Variants in PTPN3 observed in about 807,000 individuals in gnomAD.
PTPN3 encodes tyrosine-protein phosphatase non-receptor type 3.
In PTPN3, 96 loss-of-function variants were observed where a neutral mutation model predicts 132.7. That is an observed-to-expected ratio of 0.72 (90% confidence interval 0.61 to 0.86). PTPN3 has a LOEUF of 0.86. Among genes scored for constraint, PTPN3 ranks in the 40% least tolerant of loss-of-function variants. The pLI, the probability that PTPN3 is intolerant of heterozygous loss-of-function variation, is 0.00. For synonymous variants in PTPN3, 398 were observed against 429.0 expected (o/e 0.93, Z 0.89); for missense variants, 1,125 against 1,159.6 (o/e 0.97, Z 0.43).
chr9:109,449,909 A>G (rs1845136256), intron 5 of PTPN3: 2 of 985,340 alleles, frequency 2.0e-6, no homozygotes, highest in African/African-American at 3.5e-5. Context: ...CTATTTGCAC[A>G]GTTCCGGGCT....
the PTPN3 span, chr9:109,511,412 C>T: frequency 6.5e-6 from 1 of 153,126 alleles, no homozygotes; most frequent in Non-Finnish European, 1.5e-5. Flanking sequence ...GGTGTCTACA[C>T]TCCTGTGAAT....
chr9:109,445,578 G>A lies in PTPN3; in HGVS notation c.414-286C>T, dbSNP rs192145625. On this transcript the variant is annotated intron_variant, in intron 6 of 25. Transcript: ENST00000374541. ...GCCAGTGTTTTGGCTGCTCAAGAAG[G>A]GTCAGGCTCTTATCTCTAAGAGGGG... 7.2e-5 allele frequency among the ~76,000 whole-genome samples: 11 copies of A among 152,114 alleles called. No homozygotes were observed. In the East Asian group the frequency reaches 1.6e-3, roughly 22 times the overall value.
chr9:109,525,462 G>T, the PTPN3 span, among the ~76,000 whole-genome samples: 5 of 152,176 alleles, frequency 3.3e-5, no homozygotes, highest in Admixed American at 1.3e-4. Flanking sequence ...GGATCATCTT[G>T]AGGAGCTTTT....
the PTPN3 span, among the ~76,000 whole-genome samples, chr9:109,518,452 C>A: frequency 2.0e-4 from 30 of 152,296 alleles, no homozygotes; most frequent in South Asian, 6.2e-3. Context: ...TGCAGAGAAC[C>A]TTTGGCCATA....
At chr9:109,435,167 G>C (rs1465890131) in intron 9 of PTPN3, among the ~76,000 whole-genome samples, 5 of 152,178 alleles carry the variant, frequency 3.3e-5, no homozygotes, top group African/African-American at 4.8e-5. Context: ...GTGGGCCAAA[G>C]ACCAGGTCTC....
chr9:109,383,414 G>A lies in PTPN3; in HGVS notation c.2382+9C>T. On this transcript the variant is annotated intron_variant, in intron 23 of 25. Coordinates refer to ENST00000374541, the MANE Select transcript of PTPN3 (RefSeq NM_002829.4). ...GCCCCTCCACCGTGCCCCTCAGGCT[G>A]CGGCTCACCTGGGTGTTTGTGACCA... The A allele has an allele frequency of 1.9e-6, 3 of 1,613,882 alleles. No individual in the cohort carries two copies. Among genetic ancestry groups the A allele is most frequent in the South Asian group, 1.1e-5 (1 of 91,060 alleles).
intron 19 of PTPN3, among the ~76,000 whole-genome samples, chr9:109,393,666 G>A (rs1840324838): frequency 6.6e-6 from 1 of 151,902 alleles, no homozygotes; most frequent in Admixed American, 6.6e-5. Flanking sequence ...GGATTTTTGA[G>A]TTTCGATACA....
At chr9:109,503,492 G>A in the PTPN3 span, among the ~76,000 whole-genome samples, 1 of 152,134 alleles carries the variant, frequency 6.6e-6, no homozygotes, top group African/African-American at 2.4e-5. Context: ...ATCACCTGAG[G>A]TCAGGAGTTT....
At chr9:109,406,857 T>C (rs908188151) in intron 17 of PTPN3, among the ~76,000 whole-genome samples, 1 of 152,212 alleles carries the variant, frequency 6.6e-6, no homozygotes, top group Non-Finnish European at 1.5e-5. Flanking sequence ...AGAATAAGGA[T>C]ATAAAAATTG....
chr9:109,503,380 A>G, the PTPN3 span, among the ~76,000 whole-genome samples: 1 of 152,086 alleles, frequency 6.6e-6, no homozygotes, highest in African/African-American at 2.4e-5. Context: ...AGAAACACAA[A>G]CATTTCAGCC....
In PTPN3 at chr9:109,378,039, A is replaced by G. The variant is rs1254978929; in HGVS notation, c.*1517T>C. 1 of 152,238 alleles carries G rather than the reference A, an allele frequency of 6.6e-6. No homozygotes were observed. The highest frequency in any genetic ancestry group is 1.5e-5 in the Non-Finnish European group (1 of 68,042). 9.4% of individuals were successfully genotyped at this position (152,238 alleles called of 1,614,324 possible). A position where few individuals can be genotyped will look rare whatever the true frequency, so the allele number is the denominator to read the frequency against. ...GCAAGTAAATATGCTAGCTCTAGAGATAAAGAATCTCCCATATAGGTCTTC... is the reference window on the plus strand; with the variant it reads ...GCAAGTAAATATGCTAGCTCTAGAGGTAAAGAATCTCCCATATAGGTCTTC... On this transcript the variant is annotated 3_prime_UTR_variant, in exon 26 of 26. Coordinates refer to ENST00000374541, the MANE Select transcript of PTPN3 (RefSeq NM_002829.4).
At position 109,379,385 on chromosome 9, in the gene PTPN3, A is replaced by G. The variant is rs1449605527; in HGVS notation, c.*171T>C. ...CCATAATTGCATGCTTATCTACACC[A>G]GTTCCTATGTACACGATATCTTTTC... On this transcript the variant is annotated 3_prime_UTR_variant, in exon 26 of 26. Transcript: ENST00000374541. 1.6e-6 allele frequency: 1 copy of G among 609,048 alleles called. No individual in the cohort carries two copies. Among genetic ancestry groups the G allele is most frequent in the Non-Finnish European group, 2.9e-6 (1 of 343,526 alleles). 37.7% of individuals were successfully genotyped at this position (609,048 alleles called of 1,614,324 possible). A position where few individuals can be genotyped will look rare whatever the true frequency, so the allele number is the denominator to read the frequency against.
intron 7 of PTPN3, among the ~76,000 whole-genome samples, chr9:109,439,230 G>A (rs1844276543): frequency 6.6e-6 from 1 of 152,168 alleles, no homozygotes; most frequent in South Asian, 2.1e-4. Flanking sequence ...TATGGGACCT[G>A]AGGACATCCA....
At chr9:109,504,486 C>T in the PTPN3 span, among the ~76,000 whole-genome samples, 2 of 152,136 alleles carry the variant, frequency 1.3e-5, no homozygotes, top group South Asian at 2.1e-4. Context: ...ATATAGCAGC[C>T]CTCCGCTATA....
intron 19 of PTPN3, chr9:109,393,054 C>G (rs955195564): frequency 6.6e-6 from 1 of 152,218 alleles, no homozygotes; most frequent in Non-Finnish European, 1.5e-5. Context: ...TCCTGCAATG[C>G]ATAATGCATA....
intron 14 of PTPN3, among the ~76,000 whole-genome samples, chr9:109,411,314 C>G (rs559542672): frequency 3.6e-4 from 55 of 152,290 alleles, no homozygotes; most frequent in Non-Finnish European, 6.5e-4. Flanking sequence ...GGCTTTCCCC[C>G]GGCTTAGCAG....
chr9:109,524,405 T>TG, the PTPN3 span, among the ~76,000 whole-genome samples: 1 of 39,288 alleles, frequency 2.5e-5, no homozygotes, highest in Non-Finnish European at 4.7e-5. Context: ...GCCTCTGAAG[T>TG]TCAGATACAT....
At chr9:109,431,789 G>A (rs1275231962) in intron 10 of PTPN3, among the ~76,000 whole-genome samples, 1 of 152,162 alleles carries the variant, frequency 6.6e-6, no homozygotes, top group Admixed American at 6.5e-5. Flanking sequence ...ACTCTGATGT[G>A]AGTTTCAACT....
intron 1 of PTPN3, among the ~76,000 whole-genome samples, chr9:109,465,131 A>ATT (rs1846032800): frequency 6.6e-6 from 1 of 152,264 alleles, no homozygotes; most frequent in Non-Finnish European, 1.5e-5. Flanking sequence ...ATTAGAGGGC[A>ATT]TTCAAAATCT....
Sources: gnomAD v4.1 joint callset for allele counts (sites outside exome capture counted in the v4.1 genomes callset) on GRCh38, gnomAD v4.1.1 for gene constraint, MANE v1.5 for transcripts, NCBI Gene and HGNC (gene_info 2026-07-23, HGNC 2026-07-21) for gene names.